DNAH3: variants seen among roughly 807,000 people sequenced by gnomAD.
DNAH3 encodes the protein axonemal beta dynein heavy chain 3.
DNAH3 carries 332 observed loss-of-function variants against 432.5 expected under a neutral mutation model. The observed-to-expected ratio is 0.77, with a 90% CI of 0.70 to 0.84. DNAH3 has a LOEUF of 0.84. Ranked by LOEUF, DNAH3 falls within the 40% of genes least tolerant of loss-of-function variation. The probability of loss-of-function intolerance (pLI) is 0.00; values close to 1 mark genes in which losing one functional copy is unlikely to be tolerated. For missense variants in DNAH3, 4,861 were observed against 5,114.0 expected (o/e 0.95, Z 1.51); for synonymous variants, 1,956 against 1,900.2 (o/e 1.03, Z -0.76).
rs115240825 is a variant in DNAH3 at position 21,133,006 on chromosome 16, A to C, written c.1082+1253T>G. 6.7e-3 allele frequency among the ~76,000 whole-genome samples: 1,011 copies of C among 151,498 alleles called. 12 individuals carry two copies. The highest frequency in any genetic ancestry group is 0.023 in the African/African-American group (941 of 41,226). On this transcript the variant is annotated intron_variant, in intron 7 of 61. Coordinates refer to ENST00000261383, the Ensembl canonical transcript of DNAH3. ...TTCGCAAATTTAATTATTGATAAAT[A>C]TACCTGAGAGATCACTGCTTGCCAG...
intron 18 of DNAH3, among the ~76,000 whole-genome samples, chr16:21,087,732 C>T (rs943720912): frequency 3.3e-5 from 5 of 151,750 alleles, no homozygotes; most frequent in Admixed American, 6.6e-5. Context: ...ACCTCATTTC[C>T]ACTGAAAATG....
chr16:21,109,122 C>CAAAAAA (rs201303338), intron 14 of DNAH3, among the ~76,000 whole-genome samples: 1 of 62,380 alleles, frequency 1.6e-5, no homozygotes, highest in Non-Finnish European at 3.4e-5. Context: ...GACTCTGTCT[C>CAAAAAA]AAAAAAAAAA....
chr16:20,997,549 G>C (rs888891856), intron 43 of DNAH3, 87 bp from the exon 44 acceptor site: 2 of 1,452,256 alleles, frequency 1.4e-6, no homozygotes, highest in South Asian at 2.6e-5. Flanking sequence ...TTCCCCTGTA[G>C]GGGAATCTGT....
intron 27 of DNAH3, among the ~76,000 whole-genome samples, chr16:21,056,208 C>G (rs2090127388): frequency 6.6e-6 from 1 of 152,168 alleles, no homozygotes; most frequent in African/African-American, 2.4e-5. Context: ...CATCTTCAGG[C>G]TTTTGCATAC....
intron 43 of DNAH3, among the ~76,000 whole-genome samples, chr16:20,998,253 T>C (rs1390336865): frequency 3.3e-5 from 5 of 152,018 alleles, no homozygotes; most frequent in African/African-American, 1.2e-4. Flanking sequence ...GTTTTTTGTT[T>C]GTTTGTTTTG....
At chr16:20,981,232 A>G (rs978138016) in intron 49 of DNAH3, among the ~76,000 whole-genome samples, 1 of 152,210 alleles carries the variant, frequency 6.6e-6, no homozygotes, top group Non-Finnish European at 1.5e-5. Context: ...AGGAAATGCA[A>G]AGTACCAGTT....
intron 15 of DNAH3, among the ~76,000 whole-genome samples, chr16:21,104,850 G>C (rs1199805571): frequency 6.6e-6 from 1 of 152,190 alleles, no homozygotes; most frequent in Non-Finnish European, 1.5e-5. Context: ...CTGCTAGAAG[G>C]CATCAGAGAG....
exon 61 of DNAH3, chr16:20,935,384 A>G: frequency 6.2e-7 from 1 of 1,614,008 alleles, no homozygotes; most frequent in Non-Finnish European, 8.5e-7. Context: ...TGGGGATGGT[A>G]TATTTCCGGG....
chr16:21,154,482 C>T (rs1465731162), intron 1 of DNAH3, among the ~76,000 whole-genome samples: 1 of 151,964 alleles, frequency 6.6e-6, no homozygotes, highest in Non-Finnish European at 1.5e-5. Flanking sequence ...AGGTATGCTA[C>T]CATCTGAAAT....
chr16:21,038,442 C>CA (rs2089277355), intron 33 of DNAH3, among the ~76,000 whole-genome samples: 1 of 152,090 alleles, frequency 6.6e-6, no homozygotes, highest in South Asian at 2.1e-4. Context: ...CTCTTGAGCC[C>CA]AGGAGTTCAA....
chr16:21,062,533 C>T (rs376257072), exon 25 of DNAH3: 111 of 1,613,986 alleles, frequency 6.9e-5, no homozygotes, highest in Non-Finnish European at 8.6e-5. Flanking sequence ...TTTCTTTTTC[C>T]GAGCTGATCA....
chr16:21,136,192 T>C (rs1188587440), intron 6 of DNAH3, 132 bp downstream of exon 7: 4 of 826,214 alleles, frequency 4.8e-6, no homozygotes, highest in Non-Finnish European at 7.6e-6. Context: ...GGAGGGAGGA[T>C]TGCTTGAGCC....
intron 11 of DNAH3, chr16:21,120,650 T>C (rs1291633965): frequency 1.0e-6 from 1 of 970,470 alleles, no homozygotes; most frequent in East Asian, 2.5e-5. Flanking sequence ...GTAAAGTCAT[T>C]GGTATTCACA....
chr16:21,015,201 C>G (rs1031596068), intron 41 of DNAH3, among the ~76,000 whole-genome samples: 4 of 152,048 alleles, frequency 2.6e-5, no homozygotes, highest in Admixed American at 6.6e-5. Context: ...AACATACATA[C>G]AATGAAATAT....
chr16:20,979,639 C>T, intron 49 of DNAH3, 93 bp from the exon 50 acceptor site: 1 of 1,122,870 alleles, frequency 8.9e-7, no homozygotes, highest in Non-Finnish European at 1.3e-6. Flanking sequence ...TATGAGAAGG[C>T]ACATACACTG....
intron 58 of DNAH3, 89 bp downstream of exon 58, chr16:20,944,407 C>T: frequency 6.7e-7 from 1 of 1,486,970 alleles, no homozygotes; most frequent in Non-Finnish European, 9.3e-7. Flanking sequence ...CCACTCTCTG[C>T]CTCTTGGTCA....
chr16:21,064,419 G>A (rs1208484369), intron 24 of DNAH3, among the ~76,000 whole-genome samples: 1 of 152,176 alleles, frequency 6.6e-6, no homozygotes, highest in Non-Finnish European at 1.5e-5. Flanking sequence ...CCAACCTAGA[G>A]AATTCTGAGC....
chr16:21,091,223 GA>G (rs1347609135), intron 18 of DNAH3, among the ~76,000 whole-genome samples: 1 of 151,636 alleles, frequency 6.6e-6, no homozygotes, highest in East Asian at 1.9e-4. Flanking sequence ...GTTATCATCA[GA>G]AAAAAAATGA....
intron 9 of DNAH3, among the ~76,000 whole-genome samples, chr16:21,124,632 T>C (rs1053676353): frequency 3.3e-5 from 5 of 149,722 alleles, no homozygotes; most frequent in Admixed American, 6.8e-5. Context: ...ATATCTATCA[T>C]CTCAAACATT....
Sources: allele counts gnomAD v4.1 joint callset (sites outside exome capture counted in the v4.1 genomes callset), GRCh38; gene constraint gnomAD v4.1.1; transcripts MANE v1.5; gene names NCBI Gene and HGNC (gene_info 2026-07-23, HGNC 2026-07-21).